Variants in CHODL observed in about 807,000 individuals in gnomAD.
CHODL encodes chondrolectin, also known as transmembrane protein MT75.
In CHODL, 29 loss-of-function variants were observed where a neutral mutation model predicts 34.5. The observed-to-expected ratio is 0.84, with a 90% CI of 0.63 to 1.15. The LOEUF is 1.15. Ranked by LOEUF, CHODL falls within the 50% of genes most tolerant of loss-of-function variation. The pLI is 0.00. For synonymous variants in CHODL, 125 were observed against 116.1 expected (o/e 1.08, Z -0.49); for missense variants, 332 against 332.5 (o/e 1.00, Z 0.01).
intron 1 of CHODL, among the ~76,000 whole-genome samples, chr21:17,952,071 C>G (rs1160811216): frequency 6.6e-6 from 1 of 151,410 alleles, no homozygotes; most frequent in Non-Finnish European, 1.5e-5. Context: ...CCATCTCTAG[C>G]CAGGCACATG....
chr21:18,181,708 TC>T (rs1222320132), intron 2 of CHODL, among the ~76,000 whole-genome samples: 1 of 152,146 alleles, frequency 6.6e-6, no homozygotes, highest in African/African-American at 2.4e-5. Context: ...CATCTTATTC[TC>T]CCTCCTCCTA....
At chr21:18,217,488 C>G (rs1297983963) in intron 2 of CHODL, among the ~76,000 whole-genome samples, 2 of 151,362 alleles carry the variant, frequency 1.3e-5, no homozygotes, top group African/African-American at 4.8e-5. Flanking sequence ...ATGAGGGTAA[C>G]TGCCCCCCCG....
intron 1 of CHODL, among the ~76,000 whole-genome samples, chr21:18,016,826 C>T (rs912246176): frequency 7.9e-5 from 12 of 152,226 alleles, no homozygotes; most frequent in African/African-American, 2.7e-4. Flanking sequence ...ACCTTGGAAA[C>T]CCACCACTTG....
intron 2 of CHODL, among the ~76,000 whole-genome samples, chr21:18,214,434 A>G (rs1250544735): frequency 6.6e-6 from 1 of 152,086 alleles, no homozygotes; most frequent in East Asian, 1.9e-4. Context: ...TCTAGCACCT[A>G]GCGAAATTCT....
At chr21:18,251,484 A>ATATAAAATAAATATTTATTTT (rs2074240324) in intron 1 of CHODL, among the ~76,000 whole-genome samples, 1 of 121,860 alleles carries the variant, frequency 8.2e-6, no homozygotes, top group African/African-American at 2.9e-5. Flanking sequence ...TATTTATTTT[A>ATATAAAATAAATATTTATTTT]ATATATAAAA....
chr21:18,226,663 GTAT>G (rs781674235), intron 2 of CHODL, among the ~76,000 whole-genome samples: 28 of 152,154 alleles, frequency 1.8e-4, no homozygotes, highest in Non-Finnish European at 2.6e-4. Flanking sequence ...ACTCATTGAA[GTAT>G]TATTATATTA....
chr21:18,006,895 C>T (rs2090077291), intron 1 of CHODL, among the ~76,000 whole-genome samples: 1 of 152,222 alleles, frequency 6.6e-6, no homozygotes, highest in African/African-American at 2.4e-5. Context: ...CAGTCTGACA[C>T]TTCAGATGTG....
intron 2 of CHODL, among the ~76,000 whole-genome samples, chr21:18,119,992 T>C (rs1479010641): frequency 6.6e-6 from 1 of 152,150 alleles, no homozygotes; most frequent in Non-Finnish European, 1.5e-5. Flanking sequence ...AATTAGCTGC[T>C]CTGTTTGGTG....
At chr21:18,107,086 G>A (rs920818518) in intron 2 of CHODL, among the ~76,000 whole-genome samples, 2 of 152,184 alleles carry the variant, frequency 1.3e-5, no homozygotes, top group Non-Finnish European at 2.9e-5. Flanking sequence ...AGGGAAGTAC[G>A]AATAGCAATG....
chr21:18,139,056 T>C (rs112541159), intron 2 of CHODL, among the ~76,000 whole-genome samples: 1 of 152,112 alleles, frequency 6.6e-6, no homozygotes, highest in Non-Finnish European at 1.5e-5. Flanking sequence ...CAGGTTGGTG[T>C]GTGAATGTGC....
At chr21:18,017,306 T>G (rs536334700) in intron 1 of CHODL, among the ~76,000 whole-genome samples, 1 of 152,284 alleles carries the variant, frequency 6.6e-6, no homozygotes, top group East Asian at 1.9e-4. Flanking sequence ...AAGTTGATCA[T>G]GGGGGTGGAT....
chr21:17,930,136 C>T (rs745326940), intron 1 of CHODL, among the ~76,000 whole-genome samples: 1 of 151,562 alleles, frequency 6.6e-6, no homozygotes, highest in Non-Finnish European at 1.5e-5. Flanking sequence ...GACAGGACAC[C>T]TTTGCACACC....
chr21:17,960,669 T>G (rs1273968192), intron 1 of CHODL, among the ~76,000 whole-genome samples: 1 of 152,212 alleles, frequency 6.6e-6, no homozygotes, highest in African/African-American at 2.4e-5. Flanking sequence ...TTTCAGAATC[T>G]GTTCTTGATC....
chr21:18,126,727 A>G (rs1445327833), intron 2 of CHODL, among the ~76,000 whole-genome samples: 1 of 152,206 alleles, frequency 6.6e-6, no homozygotes, highest in African/African-American at 2.4e-5. Flanking sequence ...TGAAAATGGC[A>G]TTTAAAAAAT....
At chr21:18,188,216 T>C (rs2093777512) in intron 2 of CHODL, among the ~76,000 whole-genome samples, 2 of 152,148 alleles carry the variant, frequency 1.3e-5, no homozygotes, top group African/African-American at 4.8e-5. Context: ...CTTGCCCTCA[T>C]TTCATCCCAA....
intron 2 of CHODL, among the ~76,000 whole-genome samples, chr21:18,072,677 A>C (rs1032407068): frequency 2.0e-5 from 3 of 152,002 alleles, no homozygotes; most frequent in Admixed American, 6.6e-5. Flanking sequence ...TAAAAAAAAA[A>C]CCCATGGATG....
At chr21:18,181,470 T>G (rs1332936194) in intron 2 of CHODL, among the ~76,000 whole-genome samples, 1 of 152,216 alleles carries the variant, frequency 6.6e-6, no homozygotes, top group African/African-American at 2.4e-5. Context: ...TGGCGGGATC[T>G]CGGCTCACTG....
intron 1 of CHODL, among the ~76,000 whole-genome samples, chr21:17,992,450 GT>G (rs955863469): frequency 1.6e-4 from 24 of 152,178 alleles, no homozygotes; most frequent in African/African-American, 5.3e-4. Flanking sequence ...AGCATGGGGT[GT>G]CTTTCCATTT....
chr21:18,129,237 T>C lies in CHODL; in HGVS notation c.-45+101266T>C, dbSNP rs189930865. Among the ~76,000 whole-genome samples the C allele has an allele frequency of 2.6e-5, 4 of 151,060 alleles. No homozygotes were observed. The East Asian group carries it at 7.9e-4, about 30-fold the overall frequency. On this transcript the variant is annotated intron_variant, in intron 2 of 6. Transcript: ENST00000400127. ...TATTTTAATAAGACTAGATATCTTA[T>C]TGAAATTCACCACAAACTTGACAAA...
Sources: gnomAD v4.1 joint callset for allele counts (sites outside exome capture counted in the v4.1 genomes callset) on GRCh38, gnomAD v4.1.1 for gene constraint, MANE v1.5 for transcripts, NCBI Gene and HGNC (gene_info 2026-07-23, HGNC 2026-07-21) for gene names.